Variants in AGBL4 observed in about 807,000 individuals in gnomAD.
AGBL4 encodes the protein AGBL carboxypeptidase 4.
In AGBL4, 58 loss-of-function variants were observed where a neutral mutation model predicts 66.4. That is an observed-to-expected ratio of 0.87 (90% CI 0.71 to 1.09). The LOEUF (loss-of-function observed/expected upper bound fraction) is 1.09, where lower values mean the gene tolerates loss of function less well. AGBL4 is among the 50% of genes least tolerant of loss of function. The pLI, the probability that AGBL4 is intolerant of heterozygous loss-of-function variation, is 0.00. For missense variants in AGBL4, 579 were observed against 631.0 expected (o/e 0.92, Z 0.88); for synonymous variants, 234 against 222.9 (o/e 1.05, Z -0.44).
At chr1:49,404,589 T>C (rs1331909322) in intron 3 of AGBL4, among the ~76,000 whole-genome samples, 1 of 152,228 alleles carries the variant, frequency 6.6e-6, no homozygotes, top group Non-Finnish European at 1.5e-5. Context: ...ATATGATCCT[T>C]GAGGGTAGTG....
chr1:49,741,710 G>C (rs926628975), intron 2 of AGBL4, among the ~76,000 whole-genome samples: 1 of 152,158 alleles, frequency 6.6e-6, no homozygotes, highest in African/African-American at 2.4e-5. Flanking sequence ...TCATGATCAA[G>C]GGGGCTTCAT....
At chr1:48,626,641 G>A (rs971628669) in intron 9 of AGBL4, among the ~76,000 whole-genome samples, 3 of 151,766 alleles carry the variant, frequency 2.0e-5, no homozygotes, top group African/African-American at 7.3e-5. Flanking sequence ...GTAAAGTCCC[G>A]GAGAGGGTAA....
At chr1:48,706,049 C>CA (rs1004381520) in intron 6 of AGBL4, among the ~76,000 whole-genome samples, 21 of 151,762 alleles carry the variant, frequency 1.4e-4, no homozygotes, top group African/African-American at 4.6e-4. Flanking sequence ...ATTTAAAAAG[C>CA]AAAAAAAGAG....
chr1:49,740,711 C>T (rs1349077442), intron 2 of AGBL4, among the ~76,000 whole-genome samples: 4 of 152,182 alleles, frequency 2.6e-5, no homozygotes, highest in Non-Finnish European at 5.9e-5. Flanking sequence ...TCTCAGACCA[C>T]AGTGCAATCA....
intron 4 of AGBL4, among the ~76,000 whole-genome samples, chr1:49,166,678 C>T (rs1458364888): frequency 6.6e-6 from 1 of 152,054 alleles, no homozygotes; most frequent in Non-Finnish European, 1.5e-5. Context: ...ATCCTTATAC[C>T]TCCTGTCAAA....
chr1:49,093,996 C>A (rs1423757643), intron 4 of AGBL4, among the ~76,000 whole-genome samples: 1 of 152,068 alleles, frequency 6.6e-6, no homozygotes, highest in Admixed American at 6.6e-5. Context: ...AAAGAAGGGG[C>A]TTGTGTATAG....
chr1:49,224,739 C>T (rs1649774278), intron 4 of AGBL4, among the ~76,000 whole-genome samples: 1 of 151,756 alleles, frequency 6.6e-6, no homozygotes, highest in Admixed American at 6.6e-5. Flanking sequence ...AGGCCTTGTA[C>T]TGGACACCAA....
At chr1:48,948,105 G>T (rs759825033) in intron 5 of AGBL4, among the ~76,000 whole-genome samples, 5 of 152,120 alleles carry the variant, frequency 3.3e-5, no homozygotes, top group Non-Finnish European at 7.3e-5. Context: ...GGTCCTTACA[G>T]AATATTTGGA....
chr1:49,768,218 T>G (rs959224593), intron 2 of AGBL4, among the ~76,000 whole-genome samples: 1 of 151,672 alleles, frequency 6.6e-6, no homozygotes, highest in South Asian at 2.1e-4. Context: ...AAAGACACAA[T>G]GAAAACAAGA....
At chr1:48,646,778 C>T (rs1358803354) in intron 8 of AGBL4, among the ~76,000 whole-genome samples, 2 of 152,070 alleles carry the variant, frequency 1.3e-5, no homozygotes, top group Non-Finnish European at 2.9e-5. Context: ...GCAACTAGGG[C>T]AAGTTCCGTG....
chr1:49,699,643 G>A (rs1292889356), intron 2 of AGBL4, among the ~76,000 whole-genome samples: 1 of 151,778 alleles, frequency 6.6e-6, no homozygotes, highest in Non-Finnish European at 1.5e-5. Flanking sequence ...GACGCAAAAA[G>A]AAAAATATTG....
intron 3 of AGBL4, among the ~76,000 whole-genome samples, chr1:49,556,837 G>A (rs1490562999): frequency 1.3e-5 from 2 of 152,128 alleles, no homozygotes; most frequent in Non-Finnish European, 1.5e-5. Context: ...CAGGTCCTGA[G>A]CCCTGCCCTG....
intron 4 of AGBL4, among the ~76,000 whole-genome samples, chr1:49,144,689 T>C (rs1268869712): frequency 2.0e-5 from 3 of 152,052 alleles, no homozygotes; most frequent in African/African-American, 7.3e-5. Flanking sequence ...GATAATTTGA[T>C]GATAAATGCT....
chr1:48,672,384 T>C (rs1646290553), intron 6 of AGBL4, among the ~76,000 whole-genome samples: 1 of 152,214 alleles, frequency 6.6e-6, no homozygotes, highest in African/African-American at 2.4e-5. Context: ...CCCTGTCTCA[T>C]GGATGAGGGA....
chr1:49,455,727 T>C lies in AGBL4; in HGVS notation c.283-209863A>G, dbSNP rs1285720442. 5.3e-5 allele frequency among the ~76,000 whole-genome samples: 8 copies of C among 151,642 alleles called. No individual in the cohort carries two copies. The East Asian group carries it at 5.8e-4, about 11-fold the overall frequency. ...TGCTATGGCCTAAAAGGCTTCATAT[T>C]ATCTAGCCATCTCTTATATTCTTAT... is the stretch of plus-strand genomic sequence containing the variant. On this transcript the variant is annotated intron_variant, in intron 3 of 13. Transcript: ENST00000371839.
intron 4 of AGBL4, among the ~76,000 whole-genome samples, chr1:49,163,941 G>C (rs1646585996): frequency 6.6e-6 from 1 of 152,276 alleles, no homozygotes. Flanking sequence ...GTTTATGCAT[G>C]TTTGGAGGCC....
intron 6 of AGBL4, among the ~76,000 whole-genome samples, chr1:48,750,151 C>G (rs934446597): frequency 6.6e-6 from 1 of 152,182 alleles, no homozygotes; most frequent in African/African-American, 2.4e-5. Flanking sequence ...TTCATCTTTG[C>G]TAAATGGCTG....
intron 8 of AGBL4, among the ~76,000 whole-genome samples, chr1:48,651,736 C>T (rs903352266): frequency 6.6e-6 from 1 of 152,158 alleles, no homozygotes; most frequent in African/African-American, 2.4e-5. Flanking sequence ...GACTCAGTTG[C>T]CATGCTCTTG....
At chr1:49,693,936 T>C (rs965288457) in intron 3 of AGBL4, among the ~76,000 whole-genome samples, 7 of 152,166 alleles carry the variant, frequency 4.6e-5, no homozygotes, top group Middle Eastern at 3.2e-3. Flanking sequence ...TTAGTTTTCA[T>C]TGATTCTTGC....
Sources: allele counts gnomAD v4.1 joint callset (sites outside exome capture counted in the v4.1 genomes callset), GRCh38; gene constraint gnomAD v4.1.1; transcripts MANE v1.5; gene names NCBI Gene and HGNC (gene_info 2026-07-23, HGNC 2026-07-21).